LVRN: variants seen among roughly 807,000 people sequenced by gnomAD.
LVRN encodes laeverin.
In LVRN, 99 loss-of-function variants were observed where a neutral mutation model predicts 111.4. That is an observed-to-expected ratio of 0.89 (90% confidence interval 0.76 to 1.05). The LOEUF (loss-of-function observed/expected upper bound fraction) is 1.05, where lower values mean the gene tolerates loss of function less well. Ranked by LOEUF, LVRN falls within the 50% of genes least tolerant of loss-of-function variation. The probability of loss-of-function intolerance (pLI) is 0.00; values close to 1 mark genes in which losing one functional copy is unlikely to be tolerated. For missense variants in LVRN, 1,414 were observed against 1,206.8 expected, an observed-to-expected ratio of 1.17 and a Z score of -2.54; for synonymous variants, 488 against 449.5, an observed-to-expected ratio of 1.09 and a Z score of -1.08.
At chr5:115,999,077 A>G (rs1231977397) in intron 6 of LVRN, among the ~76,000 whole-genome samples, 1 of 152,166 alleles carries the variant, frequency 6.6e-6, no homozygotes, top group African/African-American at 2.4e-5. Context: ...GTGTGCCGGT[A>G]TAACTTCTCC....
rs563994600 is a variant in LVRN at position 115,992,971 on chromosome 5, A to C, written c.1260+694A>C. 2.0e-5 allele frequency among the ~76,000 whole-genome samples: 3 copies of C among 152,354 alleles called. No homozygotes were observed. The South Asian group carries it at 6.2e-4, about 32-fold the overall frequency. ...AAGTTTTGGAAAAGAGCAGTTTACT[A>C]GGATTGATTAATACCCTGGTGCACA... On this transcript the variant is annotated intron_variant, in intron 5 of 19. Transcript: ENST00000357872.
chr5:116,010,915 G>A lies in LVRN; in HGVS notation c.2247+21G>A, dbSNP rs376976782. 7 of 1,510,858 alleles carry A rather than the reference G, an allele frequency of 4.6e-6. No individual in the cohort carries two copies. The African/African-American group carries it at 5.6e-5, about 12-fold the overall frequency. The allele number at this position is 1,510,858 out of a possible 1,614,324, so 93.6% of individuals were successfully genotyped here. On this transcript the variant is annotated intron_variant, in intron 14 of 19. Transcript: ENST00000357872. The stretch of plus-strand genomic sequence containing the variant: ...TAAAGGTAATTTCATTCTTTCTTAT[G>A]TAGTTTTTAAATAAATCCTCTCTTC...
chr5:116,021,340 C>T (rs1447279029), intron 18 of LVRN: 3 of 152,304 alleles, frequency 2.0e-5, no homozygotes, highest in African/African-American at 7.2e-5. Flanking sequence ...TTCTTTGGAA[C>T]TCAAATTTCT....
Position 115,963,237 on chromosome 5 carries a change from G to A in LVRN, c.620G>A (p.Ser207Asn). The change falls in exon 1 of 20, where the codon AGC becomes AAC. Residue 207 changes from serine to asparagine, a missense_variant. Ser to Asn is a conservative substitution (Grantham distance 46, BLOSUM62 1). Transcript: ENST00000357872. ...GGTAGCAGCTACGAGCTGCAGCTTA[G>A]CTTCTCGGGCCTGGTGAAGGAAGAC... Reference protein sequence around the residue: ...KPGSSYELQLSFSGLVKEDLR... With the variant: ...KPGSSYELQLNFSGLVKEDLR... 3 of 1,612,880 alleles carry A rather than the reference G, an allele frequency of 1.9e-6. No homozygotes were observed.
At chr5:116,010,333 A>G (rs916754143) in intron 13 of LVRN, among the ~76,000 whole-genome samples, 1 of 152,244 alleles carries the variant, frequency 6.6e-6, no homozygotes, top group Admixed American at 6.5e-5. Context: ...AGAATCCACA[A>G]TATCTCTGAG....
chr5:115,981,312 A>G (rs1436779672), intron 1 of LVRN, among the ~76,000 whole-genome samples: 3 of 152,206 alleles, frequency 2.0e-5, no homozygotes, highest in Non-Finnish European at 2.9e-5. Flanking sequence ...TTTGCCAACT[A>G]TTATAAATGA....
chr5:116,021,228 C>G (rs1390314632), intron 18 of LVRN: 1 of 152,202 alleles, frequency 6.6e-6, no homozygotes, highest in Non-Finnish European at 1.5e-5. Context: ...GCCCTGCCTC[C>G]TCGGGTAAAC....
intron 18 of LVRN, among the ~76,000 whole-genome samples, chr5:116,019,414 C>T (rs1748666936): frequency 6.6e-6 from 1 of 152,092 alleles, no homozygotes; most frequent in East Asian, 1.9e-4. Context: ...ACAGGCACAT[C>T]ATTATCACCC....
chr5:116,021,828 C>A, intron 18 of LVRN: 1 of 387,328 alleles, frequency 2.6e-6, no homozygotes, highest in South Asian at 2.0e-5. Context: ...TATTCAGGGA[C>A]ACTAAACTAG....
chr5:115,986,810 A>T (rs1485459796), intron 3 of LVRN, among the ~76,000 whole-genome samples: 2 of 152,214 alleles, frequency 1.3e-5, no homozygotes, highest in African/African-American at 4.8e-5. Flanking sequence ...AAAGCAAAGT[A>T]AGACGAATAT....
intron 3 of LVRN, among the ~76,000 whole-genome samples, chr5:115,985,359 C>T (rs925884132): frequency 9.9e-5 from 15 of 152,020 alleles, no homozygotes; most frequent in African/African-American, 3.4e-4. Context: ...TGGGTGGCCA[C>T]AAGACAAGTA....
chr5:116,022,487 G>A lies in LVRN; in HGVS notation c.2832+21G>A, dbSNP rs185017867. On this transcript the variant is annotated intron_variant, in intron 19 of 19. Transcript: ENST00000357872. ...TGGAGGTAAGTACTTTAAATATTAT[G>A]AAATACAATGATAATTTGGAAACCA... The A allele has an allele frequency of 3.7e-5, 54 of 1,473,692 alleles. No individual in the cohort carries two copies. The African/African-American group carries it at 7.4e-4, about 20-fold the overall frequency. 91.3% of individuals were successfully genotyped at this position (1,473,692 alleles called of 1,614,324 possible). A position where few individuals can be genotyped will look rare whatever the true frequency, so the allele number is the denominator to read the frequency against.
At chr5:115,973,127 G>A (rs1334130403) in intron 1 of LVRN, among the ~76,000 whole-genome samples, 1 of 151,850 alleles carries the variant, frequency 6.6e-6, no homozygotes, top group Non-Finnish European at 1.5e-5. Context: ...ATAGGGTTTT[G>A]CCATGTTGCC....
intron 15 of LVRN, among the ~76,000 whole-genome samples, chr5:116,013,291 A>G (rs1748528696): frequency 1.3e-5 from 2 of 152,214 alleles, no homozygotes; most frequent in South Asian, 2.1e-4. Flanking sequence ...AATGTAATGC[A>G]TGAGTAGGTG....
At chr5:116,022,217 T>G in intron 18 of LVRN, 174 bp from the exon 19 acceptor site, 1 of 544,844 alleles carries the variant, frequency 1.8e-6, no homozygotes, top group East Asian at 3.4e-5. Flanking sequence ...TCCTTAGTGT[T>G]AATAGGATTC....
At chr5:116,001,363 G>C (rs575828473) in intron 10 of LVRN, 124 bp downstream of exon 10, 1 of 1,112,786 alleles carries the variant, frequency 9.0e-7, no homozygotes, top group East Asian at 2.4e-5. Context: ...CAATGTGACT[G>C]TGTACTAGGG....
chr5:115,996,431 G>C (rs754100160), intron 6 of LVRN, among the ~76,000 whole-genome samples: 2 of 152,128 alleles, frequency 1.3e-5, no homozygotes, highest in Non-Finnish European at 2.9e-5. Context: ...TTGTGGAGCT[G>C]AGTGAAAGCA....
intron 8 of LVRN, 29 bp from the exon 9 acceptor site, chr5:116,000,559 ATTTAT>A (rs777456993): frequency 6.2e-7 from 1 of 1,612,924 alleles, no homozygotes; most frequent in South Asian, 1.1e-5. Context: ...TTGGCATGCT[ATTTAT>A]TTTAACCTTA....
chr5:115,978,803 G>A (rs571941898), intron 1 of LVRN, among the ~76,000 whole-genome samples: 26 of 152,026 alleles, frequency 1.7e-4, no homozygotes, highest in African/African-American at 5.1e-4. Flanking sequence ...TTGATTCCAC[G>A]GGAGTCCATG....
Sources: allele counts gnomAD v4.1 joint callset (sites outside exome capture counted in the v4.1 genomes callset), GRCh38; gene constraint gnomAD v4.1.1; transcripts MANE v1.5; gene names NCBI Gene and HGNC (gene_info 2026-07-23, HGNC 2026-07-21).